Variants in TCF25 observed in about 807,000 individuals in gnomAD.
TCF25 encodes ribosome quality control complex subunit TCF25.
Under a neutral mutation model 83.1 loss-of-function variants are expected in TCF25, and 41 were observed. The ratio of observed to expected loss-of-function variants is 0.49; its 90% CI spans 0.38 to 0.64. The LOEUF is 0.64. Among genes scored for constraint, TCF25 ranks in the 30% least tolerant of loss-of-function variants. TCF25 has a pLI of 0.00. For synonymous variants in TCF25, 458 were observed against 365.0 expected (o/e 1.25, Z -2.90); for missense variants, 979 against 914.5 (o/e 1.07, Z -0.91).
At chr16:89,910,505 C>A (rs1404778892) in intron 16 of TCF25, 86 bp from the exon 17 acceptor site, 4 of 1,407,540 alleles carry the variant, frequency 2.8e-6, no homozygotes, top group Non-Finnish European at 4.0e-6. Context: ...GCGAGGGAGG[C>A]AGCTGGCAGG....
chr16:89,909,922 G>A (rs1193043562), intron 16 of TCF25: 1 of 152,562 alleles, frequency 6.6e-6, no homozygotes, highest in African/African-American at 2.4e-5. Flanking sequence ...CTGCCAGGCG[G>A]CCGGTGTGTC....
At chr16:89,903,969 C>T (rs897477976) in intron 12 of TCF25, 149 bp from the exon 13 acceptor site, 5 of 766,960 alleles carry the variant, frequency 6.5e-6, no homozygotes, top group East Asian at 2.8e-5. Context: ...GAATACCACC[C>T]GGAAGCAAGC....
chr16:89,910,580 C>A lies in TCF25; in HGVS notation c.1800-11C>A. 1 of 1,613,370 alleles carries A rather than the reference C, an allele frequency of 6.2e-7. No individual in the cohort carries two copies. Among genetic ancestry groups the A allele is most frequent in the Non-Finnish European group, 8.5e-7 (1 of 1,179,686 alleles). ...CAGTGTCGTTTCTGACTTTTCTTGA[C>A]TTTCTTTCAGGCTAAGTCCTATCAG... On this transcript the variant is annotated splice_polypyrimidine_tract_variant and intron_variant, in intron 16 of 17. Transcript: ENST00000263346.
chr16:89,910,808 G>T, intron 17 of TCF25, 145 bp downstream of exon 17: 1 of 1,031,860 alleles, frequency 9.7e-7, no homozygotes, highest in South Asian at 1.5e-5. Flanking sequence ...TGTGCCAGTG[G>T]GGTGCCCATT....
intron 5 of TCF25, among the ~76,000 whole-genome samples, chr16:89,888,609 A>G (rs536968998): frequency 9.0e-4 from 136 of 151,324 alleles, no homozygotes; most frequent in African/African-American, 2.9e-3. Flanking sequence ...AAAAGATTCT[A>G]GTTTTGCTTC....
chr16:89,886,100 A>G (rs2042995776), intron 4 of TCF25, 134 bp downstream of exon 4: 1 of 655,232 alleles, frequency 1.5e-6, no homozygotes, highest in Non-Finnish European at 2.7e-6. Flanking sequence ...CTAAAAAAGG[A>G]AAAATAAAAT....
At chr16:89,894,687 G>C (rs1036990490) in intron 7 of TCF25, among the ~76,000 whole-genome samples, 1 of 152,126 alleles carries the variant, frequency 6.6e-6, no homozygotes, top group Admixed American at 6.6e-5. Flanking sequence ...TTTTGGAGTC[G>C]GAATCTCACT....
intron 14 of TCF25, 186 bp from the exon 15 acceptor site, chr16:89,906,008 C>A (rs2270460): frequency 0.11 from 62,254 of 586,050 alleles, 4,102 homozygotes; most frequent in African/African-American, 0.19. Context: ...CCCAGAGGCT[C>A]CCCAGCCGCA....
rs866628597 is a variant in TCF25, at chr16:89,879,344, C to T, written c.193-4007C>T. 8.2e-3 allele frequency among the ~76,000 whole-genome samples: 886 copies of T among 108,328 alleles called. 24 individuals carry two copies. Among genetic ancestry groups the T allele is most frequent in the African/African-American group, 0.03 (835 of 27,968 alleles). The allele number at this position is 108,328 out of a possible 152,430, so 71.1% of individuals were successfully genotyped here. ...TGCTGTTCGTGTACACAGACGGGCTCCTGGGCCTGTCACACGTGCTGTCCG... is the reference window on the plus strand; with the variant it reads ...TGCTGTTCGTGTACACAGACGGGCTTCTGGGCCTGTCACACGTGCTGTCCG... On this transcript the variant is annotated intron_variant, in intron 1 of 17. Coordinates refer to ENST00000263346, the MANE Select transcript of TCF25 (RefSeq NM_014972.3).
At chr16:89,907,746 C>G (rs570943683) in intron 16 of TCF25, among the ~76,000 whole-genome samples, 5 of 93,560 alleles carry the variant, frequency 5.3e-5, no homozygotes, top group Admixed American at 1.2e-4. Flanking sequence ...CCGCCTCCCA[C>G]CTTCCAGCTC....
Position 89,896,026 on chromosome 16 carries a change from C to T in TCF25, c.965C>T (p.Pro322Leu). The T allele has an allele frequency of 6.2e-7, 1 of 1,613,942 alleles. No homozygotes were observed. The highest frequency in any genetic ancestry group is 8.5e-7 in the Non-Finnish European group (1 of 1,180,010). The change falls in exon 9 of 18, where the codon CCC becomes CTC. Residue 322 changes from proline to leucine, a missense_variant. Physicochemically the swap from Pro to Leu is moderately conservative, Grantham distance 98. Transcript: ENST00000263346. ...ALYSMECAFH[P>L]LFSLTSGACR... is the part of the protein sequence containing the mutation. The stretch of plus-strand genomic sequence containing the variant: ...TACAGCATGGAATGTGCGTTCCACC[C>T]CCTGTTCAGTCTCACCAGTGGGGCC...
At chr16:89,890,401 C>A (rs2043339613) in intron 5 of TCF25, 1 of 152,210 alleles carries the variant, frequency 6.6e-6, no homozygotes, top group African/African-American at 2.4e-5. Flanking sequence ...GAGTGTCTGC[C>A]CAGGTCCTTC....
intron 1 of TCF25, among the ~76,000 whole-genome samples, chr16:89,879,981 C>G (rs142663637): frequency 1.3e-5 from 2 of 151,510 alleles, no homozygotes; most frequent in East Asian, 2.0e-4. Context: ...GATCCCAGGA[C>G]TATCACGCGT....
intron 7 of TCF25, among the ~76,000 whole-genome samples, chr16:89,894,662 CGTTTTT>C (rs748968205): frequency 4.3e-4 from 66 of 152,258 alleles, no homozygotes; most frequent in Middle Eastern, 6.8e-3. Flanking sequence ...GTAATTCCCC[CGTTTTT>C]GTTTTTGTTT....
At chr16:89,908,622 CCCAG>C (rs2045239384) in intron 16 of TCF25, among the ~76,000 whole-genome samples, 1 of 121,284 alleles carries the variant, frequency 8.2e-6, no homozygotes, top group Non-Finnish European at 1.8e-5. Context: ...GCTCCCACCT[CCCAG>C]CTCCCACCTC....
Position 89,900,788 on chromosome 16 carries a change from C to G in TCF25, c.1375C>G (p.Pro459Ala). Residue 459 changes from proline to alanine, a missense_variant, in exon 12 of 18, where the codon CCT becomes GCT. By Grantham distance (27) the Pro-to-Ala change is conservative. Transcript: ENST00000263346. ...LLIQQALTMF[P>A]GVLLPLLESC... ...GATACAGCAGGCGCTCACCATGTTC[C>G]CTGGAGGTGAGTGAGCGCTGTGTCT... The G allele has an allele frequency of 3.2e-6, 5 of 1,573,614 alleles. No individual in the cohort carries two copies. Among genetic ancestry groups the G allele is most frequent in the Non-Finnish European group, 4.4e-6 (5 of 1,147,184 alleles).
rs556410073 is a variant in TCF25 at position 89,907,164 on chromosome 16, G to A, written c.1720-79G>A. On this transcript the variant is annotated intron_variant, in intron 15 of 17. Transcript: ENST00000263346. ...GATGCATCCAGTCCATGCTGGAGTCGACAGAAGGACTCTGCTGGGAGAGGT... is the reference window on the plus strand; with the variant it reads ...GATGCATCCAGTCCATGCTGGAGTCAACAGAAGGACTCTGCTGGGAGAGGT... 7.5e-5 allele frequency: 107 copies of A among 1,417,738 alleles called. 2 individuals carry two copies. In the South Asian group the frequency reaches 1.1e-3, roughly 14 times the overall value. 87.8% of individuals were successfully genotyped at this position (1,417,738 alleles called of 1,614,324 possible).
At chr16:89,884,198 G>A in intron 2 of TCF25, 1 of 217,880 alleles carries the variant, frequency 4.6e-6, no homozygotes, top group South Asian at 6.0e-5. Context: ...GAAGGGGTTG[G>A]CCAGGTGCAG....
At position 89,911,185 on chromosome 16, in the gene TCF25, G is replaced by T. The variant is rs772866312; in HGVS notation, c.1978G>T (p.Asp660Tyr). 1 of 1,612,396 alleles carries T rather than the reference G, an allele frequency of 6.2e-7. No individual in the cohort carries two copies. Among genetic ancestry groups the T allele is most frequent in the Non-Finnish European group, 8.5e-7 (1 of 1,179,936 alleles). The change falls in exon 18 of 18, where the codon GAC (aspartate) becomes TAC (tyrosine). Residue 660 changes from aspartate to tyrosine, a missense_variant. Coordinates refer to ENST00000263346, the MANE Select transcript of TCF25 (RefSeq NM_014972.3). ...RDMMANFHLN[D>Y]LEAPHEDDAE... is the part of the protein sequence containing the mutation. ...CATGATGGCCAACTTCCACCTCAAC[G>T]ACCTGGAGGCGCCGCACGAGGACGA...
Sources: gnomAD v4.1 joint callset for allele counts (sites outside exome capture counted in the v4.1 genomes callset) on GRCh38, gnomAD v4.1.1 for gene constraint, MANE v1.5 for transcripts, NCBI Gene and HGNC (gene_info 2026-07-23, HGNC 2026-07-21) for gene names.